Variants in VIPR2 observed in about 807,000 individuals in gnomAD.
The protein encoded by VIPR2 is vasoactive intestinal polypeptide receptor 2.
VIPR2 carries 48 observed loss-of-function variants against 58.0 expected under a neutral mutation model. The ratio of observed to expected loss-of-function variants is 0.83; its 90% CI spans 0.66 to 1.05. VIPR2 has a LOEUF of 1.05. VIPR2 is among the 50% of genes least tolerant of loss of function. VIPR2 has a pLI of 0.00. For synonymous variants in VIPR2, 243 were observed against 235.2 expected, an observed-to-expected ratio of 1.03 and a Z score of -0.30; for missense variants, 534 against 558.0, an observed-to-expected ratio of 0.96 and a Z score of 0.43.
intron 2 of VIPR2, among the ~76,000 whole-genome samples, chr7:159,111,219 G>C (rs917756743): frequency 3.3e-5 from 5 of 152,162 alleles, no homozygotes; most frequent in Admixed American, 6.5e-5. Flanking sequence ...AGCCAAGAGT[G>C]AACAAGATGG....
intron 5 of VIPR2, among the ~76,000 whole-genome samples, chr7:159,056,175 T>G (rs1379897746): frequency 6.6e-6 from 1 of 152,166 alleles, no homozygotes; most frequent in Non-Finnish European, 1.5e-5. Flanking sequence ...CGGTGCATAT[T>G]AGCAGTTACA....
intron 1 of VIPR2, 79 bp from the exon 2 acceptor site, chr7:159,142,624 A>G: frequency 2.9e-6 from 3 of 1,052,070 alleles, no homozygotes; most frequent in African/African-American, 1.6e-5. Flanking sequence ...CTACAAAAAC[A>G]ACCCCAAACC....
rs776120517 is a variant in VIPR2, at chr7:159,032,006, C to T, written c.1033G>A (p.Ala345Thr). Residue 345 changes from alanine to threonine, a missense_variant, in exon 11 of 13, where the codon GCC becomes ACC. This residue lies in a region of VIPR2 where 306 missense variants were observed against 285.8 expected (regional missense o/e 1.07). Coordinates refer to ENST00000262178, the MANE Select transcript of VIPR2 (RefSeq NM_003382.5). ...PLFGVHYMVFAVFPISISSKY... is the reference protein window; with the variant it reads ...PLFGVHYMVFTVFPISISSKY... ...GAGGAGATGCTGATGGGAAACACGG[C>T]AAACACCATGTAGTGGACGCCGAAC... The T allele has an allele frequency of 6.2e-6, 10 of 1,614,060 alleles. No individual in the cohort carries two copies. Among genetic ancestry groups the T allele is most frequent in the Non-Finnish European group, 8.5e-6 (10 of 1,180,060 alleles).
intron 4 of VIPR2, among the ~76,000 whole-genome samples, chr7:159,086,882 T>C (rs1183005935): frequency 3.3e-5 from 5 of 152,230 alleles, no homozygotes; most frequent in African/African-American, 1.2e-4. Flanking sequence ...GGAGGCTGGT[T>C]GTGACACCAG....
intron 4 of VIPR2, among the ~76,000 whole-genome samples, chr7:159,085,145 TC>T (rs1458036474): frequency 1.3e-5 from 2 of 152,216 alleles, no homozygotes; most frequent in East Asian, 3.9e-4. Flanking sequence ...TACAAGTCAC[TC>T]CACTTAGGAG....
chr7:159,032,063 G>T lies in VIPR2; in HGVS notation c.976C>A (p.Leu326Met), dbSNP rs753984358. The change falls in exon 11 of 13, where the codon CTG (leucine) becomes ATG (methionine). Residue 326 changes from leucine (L) to methionine (M), a missense_variant. Around this residue, in one of 3 missense-constraint regions of VIPR2, gnomAD observed 306 missense variants for 285.8 expected, o/e 1.07. Coordinates refer to ENST00000262178, the MANE Select transcript of VIPR2 (RefSeq NM_003382.5). ...ATAAGCAGGAGCGTGGACTTGGCCAGCCTCCTGCACAGAAGGAGATGAGCC... is the reference window on the plus strand; with the variant it reads ...ATAAGCAGGAGCGTGGACTTGGCCATCCTCCTGCACAGAAGGAGATGAGCC... Reference protein sequence around the residue: ...GGNDQSQYKRLAKSTLLLIPL... With the variant: ...GGNDQSQYKRMAKSTLLLIPL... 6.2e-7 allele frequency: 1 copy of T among 1,613,970 alleles called. No homozygotes were observed. Among genetic ancestry groups the T allele is most frequent in the Admixed American group, 1.7e-5 (1 of 60,030 alleles).
intron 2 of VIPR2, among the ~76,000 whole-genome samples, chr7:159,132,835 CAGAATGATTGGCATACCGATTGATTTT>C (rs1796998260): frequency 1.6e-5 from 2 of 122,338 alleles, no homozygotes; most frequent in Non-Finnish European, 3.7e-5. Context: ...TGATTTGAGA[CAGAATGATTGGCATACCGATTGATTTT>C]AGACAGAATG....
At chr7:159,104,000 C>T (rs1374384798) in intron 3 of VIPR2, 146 bp from the exon 4 acceptor site, 21 of 682,376 alleles carry the variant, frequency 3.1e-5, no homozygotes, top group Non-Finnish European at 5.1e-5. Context: ...ACTCAAAAAA[C>T]CTTCCTTGCC....
At chr7:159,044,271 G>C (rs1185772006) in intron 5 of VIPR2, among the ~76,000 whole-genome samples, 1 of 151,942 alleles carries the variant, frequency 6.6e-6, no homozygotes, top group African/African-American at 2.4e-5. Context: ...GACCAATAAA[G>C]ACCAAGAGTC....
rs946229084 is a variant in VIPR2, at chr7:159,059,241, T to C, written c.358-663A>G. ...CCTACACAAAAAGAACTGGGTCCTCTAGAAGGAAAACCAGTGCCTGTTGCG... is the reference window on the plus strand; with the variant it reads ...CCTACACAAAAAGAACTGGGTCCTCCAGAAGGAAAACCAGTGCCTGTTGCG... On this transcript the variant is annotated intron_variant, in intron 4 of 12. Coordinates refer to ENST00000262178, the MANE Select transcript of VIPR2 (RefSeq NM_003382.5). The C allele has an allele frequency of 8.5e-6, 4 of 470,984 alleles. No homozygotes were observed. The Admixed American group carries it at 9.4e-5, about 11-fold the overall frequency. 29.2% of individuals were successfully genotyped at this position (470,984 alleles called of 1,614,324 possible).
chr7:159,029,454 G>C lies in VIPR2; in HGVS notation c.*1162C>G, dbSNP rs1169056806. 2 of 152,260 alleles carry C rather than the reference G, an allele frequency of 1.3e-5. No individual in the cohort carries two copies. Among genetic ancestry groups the C allele is most frequent in the African/African-American group, 2.4e-5 (1 of 41,472 alleles). The allele number at this position is 152,260 out of a possible 1,614,324, so 9.4% of individuals were successfully genotyped here. A position where few individuals can be genotyped will look rare whatever the true frequency, so the allele number is the denominator to read the frequency against. The stretch of plus-strand genomic sequence containing the variant: ...CAGCCGCTAGGGCTGCTGAGCGCCA[G>C]CTCTGGGGAGGAGGGCTTGAAACAG... On this transcript the variant is annotated 3_prime_UTR_variant, in exon 13 of 13. Transcript: ENST00000262178.
At chr7:159,100,865 T>C (rs1858168589) in intron 4 of VIPR2, among the ~76,000 whole-genome samples, 1 of 149,350 alleles carries the variant, frequency 6.7e-6, no homozygotes, top group Non-Finnish European at 1.5e-5. Context: ...GTTCCTGTGA[T>C]AGTGAATGGG....
chr7:159,131,852 G>T lies in VIPR2; in HGVS notation c.151+10594C>A, dbSNP rs73730180. Reference sequence around the variant, plus strand: ...AAATTACCTCAACCTTGACTGATTTGCAGACATAAGCGACACTTAACCTGA... The same window carrying T: ...AAATTACCTCAACCTTGACTGATTTTCAGACATAAGCGACACTTAACCTGA... On this transcript the variant is annotated intron_variant, in intron 2 of 12. Transcript: ENST00000262178. Among the ~76,000 whole-genome samples the T allele has an allele frequency of 2.3e-3, 357 of 152,314 alleles. 2 individuals are homozygous for T. The highest frequency in any genetic ancestry group is 8.0e-3 in the African/African-American group (333 of 41,572).
rs1487612786 is a variant in VIPR2, at chr7:159,128,179, T to C, written c.151+14267A>G. Among the ~76,000 whole-genome samples the C allele has an allele frequency of 6.6e-6, 1 of 152,034 alleles. No individual in the cohort carries two copies. The highest frequency in any genetic ancestry group is 1.5e-5 in the Non-Finnish European group (1 of 67,984). On this transcript the variant is annotated intron_variant, in intron 2 of 12. Coordinates refer to ENST00000262178, the MANE Select transcript of VIPR2 (RefSeq NM_003382.5). The surrounding 1 kb of genome is among the most constrained non-coding windows in gnomAD (Gnocchi z 4.1). Reference sequence around the variant, plus strand: ...GTGGGGGGACACCACCCCAGCTTAGTCAGGGCCAGCAGCTGTGCCCAGGGT... The same window carrying C: ...GTGGGGGGACACCACCCCAGCTTAGCCAGGGCCAGCAGCTGTGCCCAGGGT...
At chr7:159,092,196 C>T (rs1322698014) in intron 4 of VIPR2, among the ~76,000 whole-genome samples, 1 of 152,212 alleles carries the variant, frequency 6.6e-6, no homozygotes, top group Admixed American at 6.5e-5. Flanking sequence ...GTGGACTCTG[C>T]AGGCTGAGCC....
intron 5 of VIPR2, among the ~76,000 whole-genome samples, chr7:159,047,536 CA>C (rs71189443): frequency 0.89 from 135,280 of 152,192 alleles, 60,484 homozygotes; most frequent in East Asian, 1. Flanking sequence ...CCAGCTACTG[CA>C]AGGTCAAAAC....
chr7:159,032,156 G>T, intron 10 of VIPR2, 89 bp from the exon 11 acceptor site: 1 of 1,546,128 alleles, frequency 6.5e-7, no homozygotes, highest in East Asian at 2.4e-5. Context: ...GGGGCAGCTG[G>T]GTGTGGGAGG....
chr7:159,094,729 G>A (rs1010834894), intron 4 of VIPR2, among the ~76,000 whole-genome samples: 5 of 152,330 alleles, frequency 3.3e-5, no homozygotes, highest in Admixed American at 6.5e-5. Flanking sequence ...ACTCCATGCC[G>A]TGCCACACAC....
rs531573121 is a variant in VIPR2, at chr7:159,056,643, C to T, written c.455+1838G>A. Among the ~76,000 whole-genome samples the T allele has an allele frequency of 3.9e-5, 6 of 152,264 alleles. No individual in the cohort carries two copies. The South Asian group carries it at 8.3e-4, about 21-fold the overall frequency. ...CTAAGAAGTAAGTAGCTCCATTTCC[C>T]GTGTATAAAATAAGAACATGGCTAC... On this transcript the variant is annotated intron_variant, in intron 5 of 12. Transcript: ENST00000262178.
Sources: allele counts gnomAD v4.1 joint callset (sites outside exome capture counted in the v4.1 genomes callset), GRCh38; gene constraint gnomAD v4.1.1; regional missense constraint gnomAD v4.1.1; non-coding constraint Gnocchi (gnomAD v3.1); transcripts MANE v1.5; gene names NCBI Gene and HGNC (gene_info 2026-07-23, HGNC 2026-07-21).